KLHL1: variants seen among roughly 807,000 people sequenced by gnomAD.
The protein encoded by KLHL1 is kelch like family member 1.
Under a neutral mutation model 77.7 loss-of-function variants are expected in KLHL1, and 47 were observed. The observed-to-expected ratio is 0.60, with a 90% CI of 0.48 to 0.77. The LOEUF is 0.77. KLHL1 is among the 30% of genes least tolerant of loss of function. The pLI is 0.00. For missense variants in KLHL1, 925 were observed against 910.8 expected (o/e 1.02, Z -0.20); for synonymous variants, 360 against 325.2 (o/e 1.11, Z -1.15).
chr13:70,016,157 T>G (rs1408965644), intron 1 of KLHL1, among the ~76,000 whole-genome samples: 1 of 152,196 alleles, frequency 6.6e-6, no homozygotes, highest in African/African-American at 2.4e-5. Context: ...CCTCAAAAAG[T>G]GTTTTATGCT....
At chr13:69,896,136 C>T (rs561999062) in intron 4 of KLHL1, among the ~76,000 whole-genome samples, 2 of 152,112 alleles carry the variant, frequency 1.3e-5, no homozygotes, top group African/African-American at 4.8e-5. Context: ...ACACTTCTCA[C>T]ATTGGTTGGT....
intron 1 of KLHL1, among the ~76,000 whole-genome samples, chr13:70,037,385 A>T (rs1039625701): frequency 1.3e-5 from 2 of 152,042 alleles, no homozygotes; most frequent in African/African-American, 4.8e-5. Flanking sequence ...TTGCTGTTGC[A>T]GTTGAGAACT....
intron 1 of KLHL1, among the ~76,000 whole-genome samples, chr13:69,982,820 A>G (rs1884749857): frequency 6.6e-6 from 1 of 152,068 alleles, no homozygotes; most frequent in Admixed American, 6.6e-5. Context: ...AAAGGGGTCA[A>G]TTCAGCAAGA....
intron 9 of KLHL1, among the ~76,000 whole-genome samples, chr13:69,708,718 CTGAA>C (rs1299003051): frequency 6.6e-6 from 1 of 151,970 alleles, no homozygotes; most frequent in African/African-American, 2.4e-5. Context: ...TGAATGTACT[CTGAA>C]TGAATGAAGA....
intron 8 of KLHL1, among the ~76,000 whole-genome samples, chr13:69,731,346 A>C (rs933256190): frequency 2.6e-5 from 4 of 152,200 alleles, no homozygotes; most frequent in African/African-American, 9.6e-5. Context: ...AGTTGGTAAC[A>C]AAATATTTTA....
At chr13:69,992,222 A>C (rs1948897323) in intron 1 of KLHL1, among the ~76,000 whole-genome samples, 1 of 152,044 alleles carries the variant, frequency 6.6e-6, no homozygotes, top group African/African-American at 2.4e-5. Flanking sequence ...TAATCCATTT[A>C]GTTAAATTTG....
At position 69,883,506 on chromosome 13, in the gene KLHL1, G is replaced by A. The variant is rs76189789; in HGVS notation, c.1015-1011C>T. Reference sequence around the variant, plus strand: ...GGTCACGCCTTCACTATCCCCTTGCGGTGTGTAGTGGGTGTATCCCTGCCA... The same window carrying A: ...GGTCACGCCTTCACTATCCCCTTGCAGTGTGTAGTGGGTGTATCCCTGCCA... On this transcript the variant is annotated intron_variant, in intron 4 of 10. Transcript: ENST00000377844. Among the ~76,000 whole-genome samples the A allele has an allele frequency of 5.0e-4, 76 of 152,216 alleles. 1 individual carries two copies. In the East Asian group the frequency reaches 9.9e-3, roughly 20 times the overall value.
At position 69,788,959 on chromosome 13, in the gene KLHL1, C is replaced by G. The variant is rs926589294; in HGVS notation, c.1639+7779G>C. On this transcript the variant is annotated intron_variant, in intron 7 of 10. Coordinates refer to ENST00000377844, the MANE Select transcript of KLHL1 (RefSeq NM_020866.3). ...CAGTCATAGTTCTAACACTGTTTTC[C>G]TCTTTTCCCCTCTCAGGAGAATTCA... Among the ~76,000 whole-genome samples the G allele has an allele frequency of 1.6e-4, 24 of 150,184 alleles. No individual in the cohort carries two copies. The East Asian group carries it at 4.7e-3, about 30-fold the overall frequency.
intron 4 of KLHL1, among the ~76,000 whole-genome samples, chr13:69,900,613 T>C (rs1881820588): frequency 1.3e-5 from 2 of 152,168 alleles, no homozygotes; most frequent in African/African-American, 2.4e-5. Context: ...AAAGTTTTAC[T>C]GCACTAGGAT....
rs10549532 is a variant in KLHL1 at position 69,996,910 on chromosome 13, A to ATTTTTTTTTTTT, written c.498-21120_498-21109dup. 2.0e-3 allele frequency among the ~76,000 whole-genome samples: 145 copies of ATTTTTTTTTTTT among 71,236 alleles called. 8 individuals carry two copies. The highest frequency in any genetic ancestry group is 3.0e-3 in the African/African-American group (54 of 17,762). The allele number at this position is 71,236 out of a possible 152,430, so 46.7% of individuals were successfully genotyped here. On this transcript the variant is annotated intron_variant, in intron 1 of 10. Transcript: ENST00000377844. ...GAAAAGTTCTTATTTTATTCATTAA[A>ATTTTTTTTTTTT]TTTTTTTTTTTTTTTTTTTTTTTTT... is the stretch of plus-strand genomic sequence containing the variant.
intron 6 of KLHL1, among the ~76,000 whole-genome samples, chr13:69,813,536 A>ACTATC (rs1877991333): frequency 6.6e-6 from 1 of 151,988 alleles, no homozygotes; most frequent in Non-Finnish European, 1.5e-5. Flanking sequence ...TAGACTTGAT[A>ACTATC]AACAACTGTG....
chr13:70,054,360 A>G (rs1886695393), intron 1 of KLHL1, among the ~76,000 whole-genome samples: 1 of 152,130 alleles, frequency 6.6e-6, no homozygotes, highest in South Asian at 2.1e-4. Flanking sequence ...TGTCCAGTAT[A>G]CACTATTATG....
intron 2 of KLHL1, among the ~76,000 whole-genome samples, chr13:69,970,508 C>T (rs568329488): frequency 1.3e-5 from 2 of 152,038 alleles, no homozygotes; most frequent in Non-Finnish European, 2.9e-5. Context: ...ATGTTAGTAC[C>T]TAAAGCACCC....
Position 70,107,893 on chromosome 13 carries a change from T to A in KLHL1, c.-194A>T. ...GGAGCGCAGACGGCAAAGCCGCGCG[T>A]TTCAGCCGTGGTCGGGTCCGCAGGA... On this transcript the variant is annotated 5_prime_UTR_variant, in exon 1 of 11. Transcript: ENST00000377844. The A allele has an allele frequency of 1.9e-6, 1 of 533,200 alleles. No homozygotes were observed. The highest frequency in any genetic ancestry group is 3.0e-5 in the East Asian group (1 of 32,858). 33.0% of individuals were successfully genotyped at this position (533,200 alleles called of 1,614,324 possible).
At chr13:69,786,826 A>C (rs532558936) in intron 7 of KLHL1, among the ~76,000 whole-genome samples, 241 of 152,354 alleles carry the variant, frequency 1.6e-3, no homozygotes, top group African/African-American at 5.7e-3. Flanking sequence ...ATACAAAATC[A>C]ATGTACAAAA....
chr13:70,040,135 A>G (rs1345813814), intron 1 of KLHL1, among the ~76,000 whole-genome samples: 1 of 152,140 alleles, frequency 6.6e-6, no homozygotes, highest in Non-Finnish European at 1.5e-5. Context: ...ATCACAGTAG[A>G]TGAAGTTATA....
At chr13:69,847,033 A>T (rs528738511) in intron 5 of KLHL1, among the ~76,000 whole-genome samples, 1 of 151,548 alleles carries the variant, frequency 6.6e-6, no homozygotes, top group South Asian at 2.1e-4. Context: ...TGTAAAAATT[A>T]TCTAATGTGT....
intron 6 of KLHL1, among the ~76,000 whole-genome samples, chr13:69,825,970 C>G (rs2138085822): frequency 7.2e-6 from 1 of 139,152 alleles, no homozygotes; most frequent in Admixed American, 7.7e-5. Context: ...ATATTATGGC[C>G]TAGAAATACT....
chr13:70,030,073 G>A (rs2137364504), intron 1 of KLHL1, among the ~76,000 whole-genome samples: 1 of 152,236 alleles, frequency 6.6e-6, no homozygotes, highest in African/African-American at 2.4e-5. Context: ...ACCCAATACA[G>A]GATCATACAG....
Sources: gnomAD v4.1 joint callset for allele counts (sites outside exome capture counted in the v4.1 genomes callset) on GRCh38, gnomAD v4.1.1 for gene constraint, MANE v1.5 for transcripts, NCBI Gene and HGNC (gene_info 2026-07-23, HGNC 2026-07-21) for gene names.